Variants in SLC6A16 observed in about 807,000 individuals in gnomAD.
The protein encoded by SLC6A16 is orphan sodium- and chloride-dependent neurotransmitter transporter NTT5.
A neutral mutation model predicts 65.4 loss-of-function variants in SLC6A16; 54 were observed. That is an observed-to-expected ratio of 0.83 (90% confidence interval 0.66 to 1.04). SLC6A16 has a LOEUF of 1.04. SLC6A16 is among the 50% of genes least tolerant of loss of function. The pLI is 0.00. For missense variants in SLC6A16, 816 were observed against 914.0 expected, an observed-to-expected ratio of 0.89 and a Z score of 1.38; for synonymous variants, 330 against 346.5, an observed-to-expected ratio of 0.95 and a Z score of 0.53.
At chr19:49,290,432 C>A in intron 11 of SLC6A16, 40 bp from the exon 12 acceptor site, 2 of 1,590,924 alleles carry the variant, frequency 1.3e-6, no homozygotes, top group Non-Finnish European at 8.6e-7. Context: ...TATCAAAATC[C>A]CCAAGAGAAA....
the SLC6A16 span, chr19:49,340,152 TTC>T: frequency 3.5e-6 from 4 of 1,140,166 alleles, no homozygotes; most frequent in Non-Finnish European, 2.5e-6. Context: ...TCCCGCCCAA[TTC>T]ACGGCCCCAC....
chr19:49,293,727 G>C (rs893771940), intron 9 of SLC6A16, 100 bp downstream of exon 9: 17 of 1,029,630 alleles, frequency 1.7e-5, no homozygotes, highest in Non-Finnish European at 2.1e-5. Context: ...TCACACCACT[G>C]CACTCCAGCC....
rs954409867 is a variant in SLC6A16, at chr19:49,324,996, A to G, written c.-65+52T>C. The G allele has an allele frequency of 7.2e-6, 7 of 977,764 alleles. No individual in the cohort carries two copies. In the African/African-American group the frequency reaches 1.2e-4, roughly 17 times the overall value. The allele number at this position is 977,764 out of a possible 1,614,324, so 60.6% of individuals were successfully genotyped here. A position where few individuals can be genotyped will look rare whatever the true frequency, so the allele number is the denominator to read the frequency against. ...GGCCTCGAAAATGGCGCCCAGCCCC[A>G]CACACCCCAGATGTGGGAACATTTT... On this transcript the variant is annotated intron_variant, in intron 1 of 11. Coordinates refer to ENST00000335875, the MANE Select transcript of SLC6A16 (RefSeq NM_014037.3).
rs371386937 is a variant in SLC6A16, at chr19:49,309,369, C to A, written c.919G>T (p.Gly307Cys). ...LVLLPCFIIV[G>C]FFIRTLLLEG... Reference sequence around the variant, plus strand: ...AGGAGTAGAGTCCGGATGAAGAAACCGACAATGATGAAACAGGGGAGCAGT... The same window carrying A: ...AGGAGTAGAGTCCGGATGAAGAAACAGACAATGATGAAACAGGGGAGCAGT... Residue 307 changes from glycine to cysteine, a missense_variant, in exon 6 of 12, where the codon GGT (glycine) becomes TGT (cysteine). By Grantham distance (159) the Gly-to-Cys change is radical. Transcript: ENST00000335875. 1 of 1,613,978 alleles carries A rather than the reference C, an allele frequency of 6.2e-7. No homozygotes were observed. Among genetic ancestry groups the A allele is most frequent in the East Asian group, 2.2e-5 (1 of 44,882 alleles).
the SLC6A16 span, chr19:49,337,750 C>A: frequency 6.5e-7 from 1 of 1,536,380 alleles, no homozygotes; most frequent in African/African-American, 1.4e-5. Flanking sequence ...ACTTATGAGC[C>A]GTAGAAATAG....
intron 2 of SLC6A16, 113 bp downstream of exon 2, chr19:49,310,820 A>G (rs1170932663): frequency 3.4e-6 from 3 of 876,548 alleles, no homozygotes; most frequent in Admixed American, 2.3e-5. Context: ...TCCTGCTCAG[A>G]GCACCAGGTC....
At chr19:49,327,231 C>T (rs947398233), upstream of SLC6A16, among the ~76,000 whole-genome samples, 2 of 152,134 alleles carry the variant, frequency 1.3e-5, no homozygotes, top group Non-Finnish European at 1.5e-5. Context: ...CCTGCCATTA[C>T]GCCTGGTTAA....
At chr19:49,336,925 T>C in the SLC6A16 span, 2 of 1,614,180 alleles carry the variant, frequency 1.2e-6, no homozygotes, top group South Asian at 2.2e-5. Flanking sequence ...CCTTCGTGCC[T>C]CTGCAGATCT....
At chr19:49,296,528 G>C (rs1322431793) in intron 7 of SLC6A16, among the ~76,000 whole-genome samples, 1 of 152,152 alleles carries the variant, frequency 6.6e-6, no homozygotes, top group Non-Finnish European at 1.5e-5. Context: ...TACCAAGGCA[G>C]CTTAATAAGA....
the SLC6A16 span, among the ~76,000 whole-genome samples, chr19:49,330,945 AC>A: frequency 1.4e-5 from 2 of 145,048 alleles, no homozygotes; most frequent in African/African-American, 5.6e-5. Context: ...AAAAAAAAAC[AC>A]AAAAAAAAAA....
At chr19:49,297,279 T>G (rs1430741369) in intron 7 of SLC6A16, among the ~76,000 whole-genome samples, 4 of 152,128 alleles carry the variant, frequency 2.6e-5, no homozygotes, top group Non-Finnish European at 5.9e-5. Flanking sequence ...GAAAAGATAC[T>G]TTACAAGACA....
the SLC6A16 span, chr19:49,338,626 C>G: frequency 5.2e-5 from 57 of 1,099,398 alleles, 1 homozygote; most frequent in African/African-American, 7.6e-4. The surrounding 1 kb of genome is among the most constrained non-coding windows in gnomAD (Gnocchi z 5.0). Context: ...ACCTCATACC[C>G]ATCACCTTGT....
At chr19:49,337,276 A>G in the SLC6A16 span, 1 of 1,535,504 alleles carries the variant, frequency 6.5e-7, no homozygotes, top group South Asian at 1.1e-5. Context: ...GAGGGAAGGG[A>G]GTGGTGGGAG....
At chr19:49,305,294 A>G (rs1430687056) in intron 7 of SLC6A16, among the ~76,000 whole-genome samples, 5 of 152,076 alleles carry the variant, frequency 3.3e-5, no homozygotes, top group Non-Finnish European at 5.9e-5. Context: ...ACCACCACTT[A>G]AAGAAGAGCA....
In SLC6A16 at chr19:49,325,112, AG is replaced by A. The variant is rs370929045; in HGVS notation, c.-130del. 1.0e-6 allele frequency: 1 copy of A among 985,606 alleles called. No homozygotes were observed. The highest frequency in any genetic ancestry group is 1.2e-6 in the Non-Finnish European group (1 of 830,032). 61.1% of individuals were successfully genotyped at this position (985,606 alleles called of 1,614,324 possible). On this transcript the variant is annotated 5_prime_UTR_variant, in exon 1 of 12. Coordinates refer to ENST00000335875, the MANE Select transcript of SLC6A16 (RefSeq NM_014037.3). ...AGTCGGACAAAAATGAGGGTGAAGA[AG>A]CCCCAGCTGAGAAGCCTAGCAATCT... is the stretch of plus-strand genomic sequence containing the variant.
At chr19:49,291,719 A>G (rs1201371796) in intron 10 of SLC6A16, among the ~76,000 whole-genome samples, 1 of 151,974 alleles carries the variant, frequency 6.6e-6, no homozygotes, top group East Asian at 1.9e-4. Flanking sequence ...CCAACTATCC[A>G]GTCTCCTTTA....
At chr19:49,313,885 A>T (rs985536398) in intron 1 of SLC6A16, among the ~76,000 whole-genome samples, 2 of 152,114 alleles carry the variant, frequency 1.3e-5, no homozygotes, top group Admixed American at 6.6e-5. Flanking sequence ...ACCTGAGGTC[A>T]GGAGATCGAG....
At chr19:49,319,401 ATG>A (rs140518696) in intron 1 of SLC6A16, among the ~76,000 whole-genome samples, 3,144 of 150,932 alleles carry the variant, frequency 0.021, 113 homozygotes, top group African/African-American at 0.066. Context: ...TCCTTCATAT[ATG>A]TGTGTGTGTA....
intron 6 of SLC6A16, 30 bp downstream of exon 6, chr19:49,309,271 C>A (rs768446811): frequency 1.3e-6 from 2 of 1,590,398 alleles, no homozygotes; most frequent in African/African-American, 1.3e-5. Flanking sequence ...CCTACAAGGC[C>A]TGACGGGGGA....
Sources: gnomAD v4.1 joint callset for allele counts (sites outside exome capture counted in the v4.1 genomes callset) on GRCh38, gnomAD v4.1.1 for gene constraint, Gnocchi (gnomAD v3.1) non-coding constraint, MANE v1.5 for transcripts, NCBI Gene and HGNC (gene_info 2026-07-23, HGNC 2026-07-21) for gene names.